GAREM2: variants seen among roughly 807,000 people sequenced by gnomAD.
GAREM2 encodes the protein GRB2-associated and regulator of MAPK protein 2.
In GAREM2, 30 loss-of-function variants were observed where a neutral mutation model predicts 55.6. That is an observed-to-expected ratio of 0.54 (90% confidence interval 0.40 to 0.73). The LOEUF is 0.73. Among genes scored for constraint, GAREM2 ranks in the 30% least tolerant of loss-of-function variants. GAREM2 has a pLI of 0.00. For synonymous variants in GAREM2, 550 were observed against 569.1 expected (o/e 0.97, Z 0.48); for missense variants, 1,075 against 1,257.7 (o/e 0.85, Z 2.20).
At position 26,187,523 on chromosome 2, in the gene GAREM2, A is replaced by G; in HGVS notation, c.1891A>G (p.Asn631Asp). ...QKRFAPFGALNPFSGPAYPSG... is the reference protein window; with the variant it reads ...QKRFAPFGALDPFSGPAYPSG... ...GCGCTTTGCTCCGTTTGGAGCTCTC[A>G]ACCCTTTTTCCGGGCCTGCCTACCC... is the stretch of plus-strand genomic sequence containing the variant. The change falls in exon 6 of 6, where the codon AAC becomes GAC. Residue 631 changes from asparagine to aspartate, a missense_variant. This residue lies in a region of GAREM2 where 515 missense variants were observed against 501.5 expected (regional missense o/e 1.03). Transcript: ENST00000401533. The G allele has an allele frequency of 6.5e-7, 1 of 1,537,730 alleles. No homozygotes were observed.
At chr2:26,195,133 C>T in the GAREM2 span, 2 of 1,613,010 alleles carry the variant, frequency 1.2e-6, no homozygotes, top group East Asian at 2.2e-5. Context: ...AGACCAACTG[C>T]TACAGCTGAA....
At chr2:26,186,890 G>A (rs556237720) in intron 5 of GAREM2, among the ~76,000 whole-genome samples, 2 of 152,322 alleles carry the variant, frequency 1.3e-5, no homozygotes, top group Non-Finnish European at 2.9e-5. Context: ...CAGGAGAATC[G>A]CTTGAACCCG....
the GAREM2 span, chr2:26,197,759 TAC>T: frequency 1.3e-6 from 2 of 1,530,912 alleles, no homozygotes; most frequent in Non-Finnish European, 1.8e-6. Flanking sequence ...CTGGCAAAGA[TAC>T]AGTGATCTGG....
the GAREM2 span, chr2:26,201,096 C>G: frequency 7.4e-7 from 1 of 1,355,410 alleles, no homozygotes; most frequent in Admixed American, 1.7e-5. Flanking sequence ...AAAAAAATCT[C>G]TGTGTTTTCT....
the GAREM2 span, chr2:26,203,983 C>T: frequency 7.1e-7 from 1 of 1,406,458 alleles, no homozygotes; most frequent in African/African-American, 1.4e-5. Context: ...ACAAAAAAAC[C>T]CACCAAGCCA....
At chr2:26,191,153 C>T, downstream of GAREM2, 1 of 1,292,666 alleles carries the variant, frequency 7.7e-7, no homozygotes, top group South Asian at 1.2e-5. Context: ...AGTTTGTCTT[C>T]TCGTTACTCT....
intron 2 of GAREM2, chr2:26,182,206 T>C: frequency 7.3e-7 from 1 of 1,371,470 alleles, no homozygotes; most frequent in Non-Finnish European, 9.4e-7. Context: ...TGGCAATCAC[T>C]TCCGTAAAGT....
At chr2:26,186,835 C>A (rs923397919) in intron 5 of GAREM2, among the ~76,000 whole-genome samples, 1 of 152,164 alleles carries the variant, frequency 6.6e-6, no homozygotes, top group Non-Finnish European at 1.5e-5. Flanking sequence ...ATTAGCCGGG[C>A]ATTACGGCAC....
At chr2:26,197,637 C>T in the GAREM2 span, 1 of 848,778 alleles carries the variant, frequency 1.2e-6, no homozygotes, top group African/African-American at 1.6e-5. Flanking sequence ...AAGCCTTTAT[C>T]AGTGAATCTG....
the GAREM2 span, among the ~76,000 whole-genome samples, chr2:26,197,933 C>G: frequency 6.6e-6 from 1 of 152,166 alleles, no homozygotes; most frequent in African/African-American, 2.4e-5. Context: ...GACGGATCAC[C>G]TAGGGGGTTT....
rs887120701 is a variant in GAREM2 at position 26,188,493 on chromosome 2, C to T, written c.*236C>T. The T allele has an allele frequency of 3.1e-5, 12 of 389,880 alleles. No homozygotes were observed. The highest frequency in any genetic ancestry group is 5.0e-5 in the Non-Finnish European group (11 of 220,868). The allele number at this position is 389,880 out of a possible 1,614,324, so 24.2% of individuals were successfully genotyped here. ...GTACATGGGGAAGGGGCTGGGGGCA[C>T]CACTGTGTACCTGGGCCCAGTAAGG... On this transcript the variant is annotated 3_prime_UTR_variant, in exon 6 of 6. Coordinates refer to ENST00000401533, the MANE Select transcript of GAREM2 (RefSeq NM_001168241.2).
chr2:26,186,274 C>G lies in GAREM2; in HGVS notation c.1514C>G (p.Pro505Arg). The change falls in exon 5 of 6, where the codon CCG becomes CGG. Residue 505 changes from proline to arginine, a missense_variant. Pro to Arg is a moderately radical substitution (Grantham distance 103, BLOSUM62 -2). Transcript: ENST00000401533. ...NGSGRLSSSP[P>R]VPPRFPKLQP... The stretch of plus-strand genomic sequence containing the variant: ...AGCGGCCGGCTCTCCAGCAGCCCCC[C>G]GGTTCCCCCTCGCTTCCCCAAGCTG... 6.4e-7 allele frequency: 1 copy of G among 1,550,804 alleles called. No individual in the cohort carries two copies.
the GAREM2 span, chr2:26,201,149 C>G: frequency 1.9e-6 from 3 of 1,609,172 alleles, no homozygotes; most frequent in African/African-American, 4.0e-5. Context: ...CCTTGCTTAC[C>G]GCTTCTACTT....
chr2:26,191,405 G>C, downstream of GAREM2: 1 of 1,614,196 alleles, frequency 6.2e-7, no homozygotes, highest in Non-Finnish European at 8.5e-7. Context: ...CCTGAATAGA[G>C]AAAGAGGACT....
the GAREM2 span, among the ~76,000 whole-genome samples, chr2:26,201,799 T>A: frequency 5.7e-4 from 87 of 152,126 alleles, no homozygotes; most frequent in African/African-American, 1.3e-3. Flanking sequence ...TTTTTTTTTT[T>A]TTATTTATTT....
the GAREM2 span, among the ~76,000 whole-genome samples, chr2:26,203,747 G>A: frequency 7.3e-4 from 111 of 152,264 alleles, 1 homozygote; most frequent in East Asian, 0.017. Context: ...GGCCTGATAC[G>A]AAAGTGTAAA....
Position 26,189,579 on chromosome 2 carries a change from A to T in GAREM2, c.*1322A>T, listed in dbSNP as rs1669425655. On this transcript the variant is annotated 3_prime_UTR_variant, in exon 6 of 6. Coordinates refer to ENST00000401533, the MANE Select transcript of GAREM2 (RefSeq NM_001168241.2). ...AGCACAGAACCTGTGATGTGGGGAC[A>T]TTTGGTTTTCTTGCAGATCATTTAA... 1 of 152,224 alleles carries T rather than the reference A, an allele frequency of 6.6e-6. No individual in the cohort carries two copies. Among genetic ancestry groups the T allele is most frequent in the Non-Finnish European group, 1.5e-5 (1 of 68,044 alleles). The allele number at this position is 152,224 out of a possible 1,614,324, so 9.4% of individuals were successfully genotyped here.
At chr2:26,200,764 G>A in the GAREM2 span, among the ~76,000 whole-genome samples, 2 of 148,414 alleles carry the variant, frequency 1.3e-5, no homozygotes, top group African/African-American at 5.0e-5. Context: ...ATGGAGTCTC[G>A]CTCTGTCACC....
chr2:26,186,239 T>C lies in GAREM2; in HGVS notation c.1479T>C (p.Gly493=). ...ATGCCCCTCCAGTGCCTCCCCGGGGTGGCAATGGCAGCGGCCGGCTCTCCA... is the reference window on the plus strand; with the variant it reads ...ATGCCCCTCCAGTGCCTCCCCGGGGCGGCAATGGCAGCGGCCGGCTCTCCA... ...LLNAPPVPPR[G]GNGSGRLSSS... Residue 493 remains glycine, a synonymous_variant, in exon 5 of 6, where the codon GGT becomes GGC. Transcript: ENST00000401533. 5 of 1,545,796 alleles carry C rather than the reference T, an allele frequency of 3.2e-6. No individual in the cohort carries two copies. The highest frequency in any genetic ancestry group is 2.5e-5 in the East Asian group (1 of 40,736).
Sources: gnomAD v4.1 joint callset for allele counts (sites outside exome capture counted in the v4.1 genomes callset) on GRCh38, gnomAD v4.1.1 for gene constraint, gnomAD v4.1.1 regional missense constraint, MANE v1.5 for transcripts, NCBI Gene and HGNC (gene_info 2026-07-23, HGNC 2026-07-21) for gene names.